The following DENND2B variants were observed in gnomAD, a reference collection of about 807,000 sequenced individuals.
The protein encoded by DENND2B is DENN domain containing 2B, also known as DENN domain-containing protein 2B.
A neutral mutation model predicts 116.0 loss-of-function variants in DENND2B; 32 were observed. The ratio of observed to expected loss-of-function variants is 0.28; its 90% CI spans 0.21 to 0.37. DENND2B has a LOEUF of 0.37. Ranked by LOEUF, DENND2B falls within the 10% of genes least tolerant of loss-of-function variation. The pLI, the probability that DENND2B is intolerant of heterozygous loss-of-function variation, is 1.00. For synonymous variants in DENND2B, 588 were observed against 583.9 expected, an observed-to-expected ratio of 1.01 and a Z score of -0.10; for missense variants, 1,276 against 1,477.7, an observed-to-expected ratio of 0.86 and a Z score of 2.24.
intron 8 of DENND2B, among the ~76,000 whole-genome samples, chr11:8,713,058 A>AT (rs2133809606): frequency 6.6e-6 from 1 of 152,238 alleles, no homozygotes; most frequent in African/African-American, 2.4e-5. Flanking sequence ...AAGGACTAGA[A>AT]TACACGAACA....
intron 1 of DENND2B, among the ~76,000 whole-genome samples, chr11:8,901,229 C>CTTTTCTTTTTTTTTTTTTTTTTT (rs781408078): frequency 7.1e-5 from 6 of 83,918 alleles, no homozygotes; most frequent in African/African-American, 2.4e-4. Flanking sequence ...CTTTTCTTTT[C>CTTTTCTTTTTTTTTTTTTTTTTT]TTTTTTTTTT....
At chr11:8,698,121 A>G (rs1177764326) in intron 16 of DENND2B, among the ~76,000 whole-genome samples, 1 of 122,622 alleles carries the variant, frequency 8.2e-6, no homozygotes, top group Non-Finnish European at 1.6e-5. Flanking sequence ...CCTGGATGAC[A>G]GTGAGACCCT....
rs2039906041 is a variant in DENND2B, at chr11:8,694,201, G to GTA, written c.3380-73_3380-72dup. The GTA allele has an allele frequency of 1.9e-5, 29 of 1,562,844 alleles. No individual in the cohort carries two copies. In the South Asian group the frequency reaches 3.1e-4, roughly 17 times the overall value. The stretch of plus-strand genomic sequence containing the variant: ...CCAACCTCCACTCCCTCTCCTCCTT[G>GTA]TAGCCCTAACCCTGTCAGTGGGAGA... On this transcript the variant is annotated intron_variant, in intron 19 of 19. Coordinates refer to ENST00000313726, the MANE Select transcript of DENND2B (RefSeq NM_213618.2).
chr11:8,727,746 T>TCTTTG, intron 3 of DENND2B, among the ~76,000 whole-genome samples: 2 of 152,142 alleles, frequency 1.3e-5, no homozygotes, highest in Non-Finnish European at 2.9e-5. Flanking sequence ...CTTTGGCATA[T>TCTTTG]ACAGTAGACT....
intron 1 of DENND2B, among the ~76,000 whole-genome samples, chr11:8,769,718 C>T (rs1406400653): frequency 6.6e-6 from 1 of 152,198 alleles, no homozygotes; most frequent in African/African-American, 2.4e-5. Context: ...TAATCCTCCC[C>T]CATGCAAATG....
chr11:8,739,644 G>A (rs978432136), intron 2 of DENND2B, among the ~76,000 whole-genome samples: 3 of 152,264 alleles, frequency 2.0e-5, no homozygotes, highest in Non-Finnish European at 4.4e-5. Flanking sequence ...GGCCTTGTCA[G>A]CAGGCAGCCA....
intron 1 of DENND2B, among the ~76,000 whole-genome samples, chr11:8,775,755 T>A (rs1042664818): frequency 6.6e-6 from 1 of 152,134 alleles, no homozygotes; most frequent in Non-Finnish European, 1.5e-5. Flanking sequence ...TCTTTGAAAT[T>A]TTTCTCCACT....
At chr11:8,706,442 T>G (rs2042620808) in intron 13 of DENND2B, among the ~76,000 whole-genome samples, 1 of 151,654 alleles carries the variant, frequency 6.6e-6, no homozygotes, top group Admixed American at 6.6e-5. Context: ...ACTTTTGCCT[T>G]TGCAGATGCT....
Position 8,712,383 on chromosome 11 carries a change from C to T in DENND2B, c.2172+168G>A, listed in dbSNP as rs553218203. Among the ~76,000 whole-genome samples, 184 of 152,266 alleles carry T rather than the reference C, an allele frequency of 1.2e-3. 1 individual carries two copies. The highest frequency in any genetic ancestry group is 4.3e-3 in the African/African-American group (180 of 41,542). ...ACAAGCACTGGCCCAAACCCACCCC[C>T]GCTGCAGCCCTGTCTTCCCTCCTGG... On this transcript the variant is annotated intron_variant, in intron 9 of 19. Transcript: ENST00000313726. The surrounding 1 kb of genome is among the most constrained non-coding windows in gnomAD (Gnocchi z 4.4).
At chr11:8,784,112 A>C (rs2058661330) in intron 1 of DENND2B, 1 of 152,222 alleles carries the variant, frequency 6.6e-6, no homozygotes, top group Non-Finnish European at 1.5e-5. Flanking sequence ...GTCTGTCATA[A>C]GATCAGCCCC....
At chr11:8,804,438 G>A (rs1161013654) in intron 1 of DENND2B, among the ~76,000 whole-genome samples, 1 of 151,644 alleles carries the variant, frequency 6.6e-6, no homozygotes, top group East Asian at 1.9e-4. Flanking sequence ...GAAATCCTGT[G>A]TTATTAGGAA....
chr11:8,886,641 G>T (rs908556122), intron 1 of DENND2B, among the ~76,000 whole-genome samples: 6 of 151,486 alleles, frequency 4.0e-5, no homozygotes, highest in Non-Finnish European at 8.8e-5. Context: ...AGGGCACCGA[G>T]AAATTTTAGA....
At chr11:8,867,573 CTTTTTTTTTTTTT>C (rs33990941) in intron 2 of DENND2B, among the ~76,000 whole-genome samples, 4 of 89,230 alleles carry the variant, frequency 4.5e-5, no homozygotes, top group Non-Finnish European at 8.0e-5. Flanking sequence ...TAAAATTCAG[CTTTTTTTTTTTTT>C]TTTTTTTTTT....
chr11:8,828,878 A>T (rs1453956559), intron 4 of DENND2B, among the ~76,000 whole-genome samples: 1 of 152,174 alleles, frequency 6.6e-6, no homozygotes, highest in Non-Finnish European at 1.5e-5. Flanking sequence ...GGATGAGACA[A>T]GAAACTGTGG....
At chr11:8,876,684 C>G (rs953328922) in intron 2 of DENND2B, among the ~76,000 whole-genome samples, 1 of 152,072 alleles carries the variant, frequency 6.6e-6, no homozygotes, top group African/African-American at 2.4e-5. Flanking sequence ...CAAGACCAGC[C>G]TGGCCAACAT....
chr11:8,817,374 G>C (rs962565226), intron 4 of DENND2B, among the ~76,000 whole-genome samples: 1 of 152,166 alleles, frequency 6.6e-6, no homozygotes, highest in Admixed American at 6.5e-5. Context: ...GACCTGCACA[G>C]TGTTGACCAC....
At chr11:8,820,725 C>T (rs564571197) in intron 4 of DENND2B, among the ~76,000 whole-genome samples, 58 of 152,178 alleles carry the variant, frequency 3.8e-4, no homozygotes, top group Admixed American at 1.3e-3. Flanking sequence ...ATTAAGAAAA[C>T]GAAGTACATA....
At chr11:8,743,618 C>T (rs539715610) in intron 2 of DENND2B, among the ~76,000 whole-genome samples, 7 of 152,028 alleles carry the variant, frequency 4.6e-5, no homozygotes, top group Non-Finnish European at 1.0e-4. Flanking sequence ...AGACAAAAGG[C>T]CTCCTAAGAA....
chr11:8,743,357 C>T (rs541299215), intron 2 of DENND2B, among the ~76,000 whole-genome samples: 1 of 151,966 alleles, frequency 6.6e-6, no homozygotes, highest in South Asian at 2.1e-4. Flanking sequence ...TGAGACCAGC[C>T]TGGTCAACAT....
Sources: gnomAD v4.1 joint callset for allele counts (sites outside exome capture counted in the v4.1 genomes callset) on GRCh38, gnomAD v4.1.1 for gene constraint, Gnocchi (gnomAD v3.1) non-coding constraint, MANE v1.5 for transcripts, NCBI Gene and HGNC (gene_info 2026-07-23, HGNC 2026-07-21) for gene names.